The following TIMP3 variants were observed in gnomAD, a reference collection of about 807,000 sequenced individuals.
The protein encoded by TIMP3 is TIMP metallopeptidase inhibitor 3, also known as metalloproteinase inhibitor 3.
In TIMP3, 11 loss-of-function variants were observed where a neutral mutation model predicts 30.0. That is an observed-to-expected ratio of 0.37 (90% CI 0.23 to 0.61). The LOEUF (loss-of-function observed/expected upper bound fraction) is 0.61. Ranked by LOEUF, TIMP3 falls within the 20% of genes least tolerant of loss-of-function variation. TIMP3 has a pLI of 0.70. For missense variants in TIMP3, 181 were observed against 276.8 expected (o/e 0.65, Z 2.45); for synonymous variants, 112 against 111.3 (o/e 1.01, Z -0.04).
intron 1 of TIMP3, among the ~76,000 whole-genome samples, chr22:32,806,992 T>C (rs1041013560): frequency 2.0e-5 from 3 of 151,842 alleles, no homozygotes; most frequent in Non-Finnish European, 4.4e-5. Context: ...ATACCACATA[T>C]AGTATTCTGC....
chr22:32,859,084 T>G (rs1261469212), intron 4 of TIMP3, 96 bp from the exon 5 acceptor site: 1 of 1,218,074 alleles, frequency 8.2e-7, no homozygotes, highest in African/African-American at 1.5e-5. Context: ...AGGCTTCCCA[T>G]GCAGTGGCCC....
chr22:32,847,812 G>A (rs900692924), intron 1 of TIMP3, among the ~76,000 whole-genome samples: 1 of 152,282 alleles, frequency 6.6e-6, no homozygotes, highest in Admixed American at 6.5e-5. Context: ...GGATCTCAGG[G>A]CTGAAGGAGT....
chr22:32,816,532 TGAG>T (rs1182397896), intron 1 of TIMP3, among the ~76,000 whole-genome samples: 3 of 152,132 alleles, frequency 2.0e-5, no homozygotes, highest in African/African-American at 7.2e-5. Flanking sequence ...TTATTTTTGG[TGAG>T]GAGAACAGCA....
chr22:32,836,273 AG>A (rs2047727572), intron 1 of TIMP3, among the ~76,000 whole-genome samples: 1 of 152,198 alleles, frequency 6.6e-6, no homozygotes, highest in Non-Finnish European at 1.5e-5. Context: ...GTAAGTGCTC[AG>A]TGAATATTTA....
chr22:32,851,068 C>T (rs1457504402), intron 2 of TIMP3, among the ~76,000 whole-genome samples: 2 of 152,162 alleles, frequency 1.3e-5, no homozygotes, highest in African/African-American at 4.8e-5. Context: ...GGTCATGAGA[C>T]CAGCTTATGT....
chr22:32,812,820 G>T lies in TIMP3; in HGVS notation c.121+10698G>T, dbSNP rs548514352. 6.2e-4 allele frequency among the ~76,000 whole-genome samples: 95 copies of T among 152,298 alleles called. 1 individual carries two copies. The highest frequency in any genetic ancestry group is 2.2e-3 in the African/African-American group (93 of 41,554). On this transcript the variant is annotated intron_variant, in intron 1 of 4. Coordinates refer to ENST00000266085, the MANE Select transcript of TIMP3 (RefSeq NM_000362.5). The stretch of plus-strand genomic sequence containing the variant: ...TTGGGCAGTCACTATCTGCTCCCCT[G>T]ACAGGGAGAAACCCCAGTGACAGGA...
chr22:32,852,208 C>A (rs541151927), intron 2 of TIMP3, among the ~76,000 whole-genome samples: 7 of 152,288 alleles, frequency 4.6e-5, no homozygotes, highest in African/African-American at 1.4e-4. Context: ...TATATGGCCA[C>A]AAAGTGGCAA....
intron 1 of TIMP3, among the ~76,000 whole-genome samples, chr22:32,823,213 G>A (rs565609788): frequency 2.0e-3 from 305 of 152,264 alleles, no homozygotes; most frequent in African/African-American, 6.8e-3. Flanking sequence ...TTTCCTAGGC[G>A]CCACCTTCTG....
Position 32,838,245 on chromosome 22 carries a change from T to C in TIMP3, c.122-11207T>C, listed in dbSNP as rs2047792692. Among the ~76,000 whole-genome samples, 3 of 152,164 alleles carry C rather than the reference T, an allele frequency of 2.0e-5. No homozygotes were observed. In the South Asian group the frequency reaches 6.2e-4, roughly 32 times the overall value. Reference sequence around the variant, plus strand: ...GTGAATCAATGAATTTCAAGTGGACTTGAGGAGAAGGAGGGGGGGTGGCAA... The same window carrying C: ...GTGAATCAATGAATTTCAAGTGGACCTGAGGAGAAGGAGGGGGGGTGGCAA... On this transcript the variant is annotated intron_variant, in intron 1 of 4. Transcript: ENST00000266085.
At chr22:32,802,157 C>T (rs527584370) in intron 1 of TIMP3, 35 bp downstream of exon 1, 1 of 1,565,268 alleles carries the variant, frequency 6.4e-7, no homozygotes, top group Non-Finnish European at 8.6e-7. Flanking sequence ...GAGCCCCACG[C>T]TGCAGCCAGG....
intron 1 of TIMP3, among the ~76,000 whole-genome samples, chr22:32,819,029 T>G (rs916936582): frequency 3.9e-5 from 6 of 152,210 alleles, no homozygotes; most frequent in African/African-American, 1.4e-4. Context: ...CCTCTGCGCT[T>G]AAGTATAGGT....
intron 1 of TIMP3, among the ~76,000 whole-genome samples, chr22:32,831,496 A>G (rs2047572002): frequency 6.6e-6 from 1 of 152,112 alleles, no homozygotes; most frequent in Non-Finnish European, 1.5e-5. Context: ...TCCACTTGAT[A>G]TGTGGGGGTC....
intron 1 of TIMP3, among the ~76,000 whole-genome samples, chr22:32,838,278 C>T (rs1007771040): frequency 6.6e-6 from 1 of 152,060 alleles, no homozygotes; most frequent in African/African-American, 2.4e-5. Flanking sequence ...CAAAATAAAA[C>T]AAACAATAAA....
rs1045457216 is a variant in TIMP3 at position 32,861,283 on chromosome 22, C to T, written c.*1906C>T. On this transcript the variant is annotated 3_prime_UTR_variant, in exon 5 of 5. Transcript: ENST00000266085. The stretch of plus-strand genomic sequence containing the variant: ...CAGAGTGGGAAGAGAGTACCGGCAT[C>T]GGGTTTCCTTGGGATCAATTTCATT... The T allele has an allele frequency of 8.5e-5, 13 of 152,356 alleles. No individual in the cohort carries two copies. The highest frequency in any genetic ancestry group is 2.7e-4 in the African/African-American group (11 of 41,400). The allele number at this position is 152,356 out of a possible 1,614,324, so 9.4% of individuals were successfully genotyped here.
intron 1 of TIMP3, 28 bp from the exon 2 acceptor site, chr22:32,849,424 C>T: frequency 6.2e-7 from 1 of 1,608,092 alleles, no homozygotes; most frequent in Non-Finnish European, 8.5e-7. Flanking sequence ...CCTTCCTAAC[C>T]TCTTATTGTC....
At chr22:32,818,373 C>A (rs748020663) in intron 1 of TIMP3, among the ~76,000 whole-genome samples, 7 of 152,036 alleles carry the variant, frequency 4.6e-5, no homozygotes, top group Non-Finnish European at 1.0e-4. Flanking sequence ...GGGCTGGGGG[C>A]AGCATGGTAG....
intron 1 of TIMP3, among the ~76,000 whole-genome samples, chr22:32,831,679 G>T (rs2047578331): frequency 6.6e-6 from 1 of 152,186 alleles, no homozygotes; most frequent in Non-Finnish European, 1.5e-5. Flanking sequence ...CAGAGCAAAA[G>T]ACCTTACTTG....
chr22:32,805,360 C>T (rs2145950113), intron 1 of TIMP3, among the ~76,000 whole-genome samples: 1 of 152,318 alleles, frequency 6.6e-6, no homozygotes, highest in East Asian at 1.9e-4. Flanking sequence ...GCAAAGAAGC[C>T]ATTTTCAAAG....
chr22:32,853,100 C>A (rs1471303308), intron 2 of TIMP3, among the ~76,000 whole-genome samples: 1 of 152,184 alleles, frequency 6.6e-6, no homozygotes, highest in Non-Finnish European at 1.5e-5. Flanking sequence ...GTTTGTCTAA[C>A]CAAATGAGCA....
Sources: allele counts gnomAD v4.1 joint callset (sites outside exome capture counted in the v4.1 genomes callset), GRCh38; gene constraint gnomAD v4.1.1; transcripts MANE v1.5; gene names NCBI Gene and HGNC (gene_info 2026-07-23, HGNC 2026-07-21).